ATRN: variants seen among roughly 807,000 people sequenced by gnomAD.
ATRN encodes the protein attractin, also known as attractin-2.
ATRN carries 54 observed loss-of-function variants against 178.7 expected under a neutral mutation model. The observed-to-expected ratio is 0.30, with a 90% CI of 0.24 to 0.38. The LOEUF (loss-of-function observed/expected upper bound fraction) is 0.38. Ranked by LOEUF, ATRN falls within the 10% of genes least tolerant of loss-of-function variation. The pLI, the probability that ATRN is intolerant of heterozygous loss-of-function variation, is 1.00. For synonymous variants in ATRN, 636 were observed against 663.0 expected (o/e 0.96, Z 0.63); for missense variants, 1,443 against 1,815.1 (o/e 0.79, Z 3.73).
chr20:3,538,717 C>G (rs767827745), intron 2 of ATRN, among the ~76,000 whole-genome samples: 3 of 152,184 alleles, frequency 2.0e-5, no homozygotes, highest in Non-Finnish European at 4.4e-5. Flanking sequence ...CTGCTTTTCA[C>G]CTCCATCTCT....
chr20:3,584,173 AT>A (rs1304345988), intron 17 of ATRN, 90 bp downstream of exon 17: 10 of 1,388,298 alleles, frequency 7.2e-6, no homozygotes, highest in Non-Finnish European at 1.0e-6. Context: ...GCCTCTGAAC[AT>A]TTTAGAAACA....
At chr20:3,611,601 G>C (rs1205136615) in intron 24 of ATRN, among the ~76,000 whole-genome samples, 3 of 152,142 alleles carry the variant, frequency 2.0e-5, no homozygotes, top group Admixed American at 6.5e-5. Flanking sequence ...AATTAGCCAG[G>C]CATGGTGGCA....
chr20:3,603,147 G>A (rs904887107), intron 23 of ATRN, among the ~76,000 whole-genome samples: 9 of 151,984 alleles, frequency 5.9e-5, no homozygotes, highest in African/African-American at 2.2e-4. Flanking sequence ...GGACTCTCTG[G>A]GAATAGGATG....
chr20:3,489,942 C>G (rs967733214), intron 1 of ATRN: 36 of 1,101,432 alleles, frequency 3.3e-5, no homozygotes, highest in Non-Finnish European at 4.6e-5. Context: ...CTCACTCTTA[C>G]TGATCTGCTC....
chr20:3,634,970 C>T (rs2087015000), intron 26 of ATRN, among the ~76,000 whole-genome samples: 1 of 152,010 alleles, frequency 6.6e-6, no homozygotes, highest in Non-Finnish European at 1.5e-5. Context: ...TACAACATAT[C>T]AAATGCCCAT....
At chr20:3,549,709 G>A (rs1268953697) in intron 6 of ATRN, among the ~76,000 whole-genome samples, 3 of 152,160 alleles carry the variant, frequency 2.0e-5, no homozygotes, top group Non-Finnish European at 2.9e-5. Flanking sequence ...TGTCTACTAT[G>A]TCCCAGGCTT....
At chr20:3,571,924 C>G (rs1219488049) in intron 11 of ATRN, among the ~76,000 whole-genome samples, 1 of 151,960 alleles carries the variant, frequency 6.6e-6, no homozygotes, top group Non-Finnish European at 1.5e-5. Context: ...TTCACCCATT[C>G]TTCTACTGCT....
At chr20:3,517,130 T>A (rs237407) in intron 1 of ATRN, among the ~76,000 whole-genome samples, 34,533 of 152,086 alleles carry the variant, frequency 0.23, 4,460 homozygotes, top group African/African-American at 0.32. Context: ...TTTCTCCATG[T>A]CCTCCCCAGC....
At position 3,645,162 on chromosome 20, in the gene ATRN, G is replaced by C. The variant is rs1370263328; in HGVS notation, c.4165+894G>C. Among the ~76,000 whole-genome samples the C allele has an allele frequency of 6.6e-6, 1 of 152,204 alleles. No individual in the cohort carries two copies. The highest frequency in any genetic ancestry group is 1.9e-4 in the East Asian group (1 of 5,194). The stretch of plus-strand genomic sequence containing the variant: ...TTCAGTTGAGATGATTCTGGAGTCA[G>C]GGTTACCTTAGCCAGAGAGCACCCT... On this transcript the variant is annotated intron_variant, in intron 28 of 28. Transcript: ENST00000262919. The surrounding 1 kb of genome is among the most constrained non-coding windows in gnomAD (Gnocchi z 4.7).
intron 1 of ATRN, among the ~76,000 whole-genome samples, chr20:3,492,871 G>A (rs1349304964): frequency 2.3e-4 from 31 of 132,450 alleles, no homozygotes; most frequent in African/African-American, 3.8e-4. Flanking sequence ...GCGCGCGTGC[G>A]CACGCACACA....
At chr20:3,631,419 T>G (rs1294832318) in intron 25 of ATRN, among the ~76,000 whole-genome samples, 1 of 152,030 alleles carries the variant, frequency 6.6e-6, no homozygotes, top group Non-Finnish European at 1.5e-5. Flanking sequence ...TTAGAAAAAA[T>G]ATTTCCAGAC....
Position 3,565,992 on chromosome 20 carries a change from G to T in ATRN, c.1871+560G>T, listed in dbSNP as rs79086186. ...TTTATTGATCTGGTTTTGTTAGCAC[G>T]CAAGAGCATGCTTTTTGGTGTGGTC... On this transcript the variant is annotated intron_variant, in intron 11 of 28. Coordinates refer to ENST00000262919, the MANE Select transcript of ATRN (RefSeq NM_139321.3). 1.4e-3 allele frequency among the ~76,000 whole-genome samples: 215 copies of T among 152,140 alleles called. 1 individual carries two copies. Among genetic ancestry groups the T allele is most frequent in the East Asian group, 0.014 (73 of 5,188 alleles).
At chr20:3,483,586 A>G (rs1020996002) in intron 1 of ATRN, among the ~76,000 whole-genome samples, 2 of 152,100 alleles carry the variant, frequency 1.3e-5, no homozygotes, top group African/African-American at 2.4e-5. Flanking sequence ...GGCCTAAGCA[A>G]TTTGCCTGCC....
intron 2 of ATRN, among the ~76,000 whole-genome samples, chr20:3,536,956 T>C (rs542679866): frequency 2.6e-5 from 4 of 152,316 alleles, no homozygotes; most frequent in African/African-American, 9.6e-5. Context: ...TTAAGGAACT[T>C]TTGGTACTTG....
At chr20:3,496,451 G>A (rs239114) in intron 1 of ATRN, among the ~76,000 whole-genome samples, 1 of 152,194 alleles carries the variant, frequency 6.6e-6, no homozygotes, top group East Asian at 1.9e-4. Flanking sequence ...TTTCCATGTA[G>A]TTGAGCAGTT....
chr20:3,565,858 C>G (rs1171473319), intron 11 of ATRN, among the ~76,000 whole-genome samples: 1 of 148,796 alleles, frequency 6.7e-6, no homozygotes, highest in Admixed American at 6.7e-5. Flanking sequence ...ACATATTATT[C>G]ACAAGATTCC....
chr20:3,505,418 C>T lies in ATRN; in HGVS notation c.411-29835C>T, dbSNP rs142678612. Among the ~76,000 whole-genome samples, 355 of 152,344 alleles carry T rather than the reference C, an allele frequency of 2.3e-3. 7 individuals carry two copies. The highest frequency in any genetic ancestry group is 8.1e-3 in the African/African-American group (338 of 41,590). ...GTCCTGCACTGTGCCATTGGCTTCCCTGGCTCTGCAGCTTGCAGATAGCCT... is the reference window on the plus strand; with the variant it reads ...GTCCTGCACTGTGCCATTGGCTTCCTTGGCTCTGCAGCTTGCAGATAGCCT... On this transcript the variant is annotated intron_variant, in intron 1 of 28. Transcript: ENST00000262919.
chr20:3,608,362 C>A (rs1353851423), intron 24 of ATRN, among the ~76,000 whole-genome samples: 1 of 152,078 alleles, frequency 6.6e-6, no homozygotes, highest in Non-Finnish European at 1.5e-5. Flanking sequence ...AGCCTTTAAT[C>A]CATTTAAATT....
chr20:3,578,467 T>C, intron 14 of ATRN, 115 bp from the exon 15 acceptor site: 1 of 883,702 alleles, frequency 1.1e-6, no homozygotes, highest in Non-Finnish European at 1.7e-6. Context: ...CCTAATGAAG[T>C]ACCTAGAATT....
Sources: allele counts gnomAD v4.1 joint callset (sites outside exome capture counted in the v4.1 genomes callset), GRCh38; gene constraint gnomAD v4.1.1; non-coding constraint Gnocchi (gnomAD v3.1); transcripts MANE v1.5; gene names NCBI Gene and HGNC (gene_info 2026-07-23, HGNC 2026-07-21).